The following GSG1L variants were observed in gnomAD, a reference collection of about 807,000 sequenced individuals.
GSG1L encodes GSG1 like.
Under a neutral mutation model 42.1 loss-of-function variants are expected in GSG1L, and 24 were observed. The observed-to-expected ratio is 0.57, with a 90% CI of 0.41 to 0.80. The LOEUF is 0.80. GSG1L is among the 30% of genes least tolerant of loss of function. The pLI, the probability that GSG1L is intolerant of heterozygous loss-of-function variation, is 0.00. For synonymous variants in GSG1L, 215 were observed against 203.5 expected (o/e 1.06, Z -0.48); for missense variants, 445 against 472.2 (o/e 0.94, Z 0.53).
intron 2 of GSG1L, among the ~76,000 whole-genome samples, chr16:27,891,855 G>A (rs991094889): frequency 1.9e-5 from 2 of 105,436 alleles, no homozygotes; most frequent in African/African-American, 6.5e-5. Flanking sequence ...GGGGGATTCT[G>A]TTTTCTGCAG....
intron 3 of GSG1L, among the ~76,000 whole-genome samples, chr16:27,866,098 T>A (rs1515035): frequency 0.38 from 57,856 of 151,834 alleles, 11,278 homozygotes; most frequent in South Asian, 0.45. Context: ...TTTCTCTGTA[T>A]ATCTCTCTGC....
At chr16:27,991,608 T>G (rs1027054424) in intron 1 of GSG1L, among the ~76,000 whole-genome samples, 1 of 152,084 alleles carries the variant, frequency 6.6e-6, no homozygotes, top group African/African-American at 2.4e-5. Context: ...TTTCGCCATG[T>G]TGGTCAGGTT....
intron 3 of GSG1L, among the ~76,000 whole-genome samples, chr16:27,880,539 C>A (rs1307725517): frequency 6.6e-6 from 1 of 152,206 alleles, no homozygotes; most frequent in Non-Finnish European, 1.5e-5. Flanking sequence ...AGTCAATTAA[C>A]CTCCCTGAGC....
chr16:27,961,848 T>C (rs1434483622), intron 2 of GSG1L, among the ~76,000 whole-genome samples: 1 of 152,126 alleles, frequency 6.6e-6, no homozygotes, highest in Non-Finnish European at 1.5e-5. Context: ...GGAGTCCTTG[T>C]CGCTTTCTGG....
At chr16:27,936,109 T>C (rs897540472) in intron 2 of GSG1L, among the ~76,000 whole-genome samples, 2 of 151,648 alleles carry the variant, frequency 1.3e-5, no homozygotes, top group African/African-American at 4.8e-5. Context: ...AGCCTTTCCA[T>C]GCCCAGGTCA....
chr16:27,953,898 G>A (rs2084977644), intron 2 of GSG1L, among the ~76,000 whole-genome samples: 1 of 152,046 alleles, frequency 6.6e-6, no homozygotes, highest in South Asian at 2.1e-4. Flanking sequence ...AAGAAACAAA[G>A]ATATTTATGA....
In GSG1L at chr16:27,839,979, T is replaced by G. The variant is rs552409210; in HGVS notation, c.662+4971A>C. ...GTGACAGGACCAGGCAACTCGGGGC[T>G]TGTAAAGTGCCTCCCACTGTGCACA... On this transcript the variant is annotated intron_variant, in intron 4 of 6. Coordinates refer to ENST00000447459, the MANE Select transcript of GSG1L (RefSeq NM_001109763.2). Among the ~76,000 whole-genome samples the G allele has an allele frequency of 3.9e-5, 6 of 152,080 alleles. No homozygotes were observed. In the South Asian group the frequency reaches 1.0e-3, roughly 26 times the overall value.
At chr16:27,991,697 G>C (rs2085459007) in intron 1 of GSG1L, among the ~76,000 whole-genome samples, 1 of 152,108 alleles carries the variant, frequency 6.6e-6, no homozygotes, top group African/African-American at 2.4e-5. Flanking sequence ...GAGCCACCGT[G>C]CCTGGCCCAT....
intron 1 of GSG1L, among the ~76,000 whole-genome samples, chr16:28,015,506 A>G (rs1419492363): frequency 2.0e-5 from 3 of 152,220 alleles, no homozygotes; most frequent in Non-Finnish European, 4.4e-5. Flanking sequence ...CCCTGTCTCA[A>G]AAAATAAAGG....
intron 1 of GSG1L, among the ~76,000 whole-genome samples, chr16:27,975,631 C>G (rs1313866863): frequency 1.3e-5 from 2 of 152,120 alleles, no homozygotes; most frequent in South Asian, 4.1e-4. Flanking sequence ...GGCTGCGTAC[C>G]CTGAAATCCT....
chr16:27,804,021 AATAGATAGATTAGATGGATAGATAGATAG>A (rs1200472059), intron 6 of GSG1L, among the ~76,000 whole-genome samples: 1 of 140,988 alleles, frequency 7.1e-6, no homozygotes, highest in African/African-American at 2.7e-5. Flanking sequence ...ATGATGGATG[AATAGATAGATTAGATGGATAGATAGATAG>A]ATAGATAGAT....
intron 2 of GSG1L, among the ~76,000 whole-genome samples, chr16:27,954,620 A>G (rs2084985973): frequency 6.6e-6 from 1 of 152,116 alleles, no homozygotes; most frequent in Admixed American, 6.5e-5. Flanking sequence ...GCCTCGTGAC[A>G]GTGCGTATGG....
At chr16:27,857,242 C>G (rs2083590532) in intron 3 of GSG1L, among the ~76,000 whole-genome samples, 1 of 152,084 alleles carries the variant, frequency 6.6e-6, no homozygotes, top group Non-Finnish European at 1.5e-5. Context: ...CCCTGGGCAA[C>G]ATGGTGAAAC....
intron 6 of GSG1L, among the ~76,000 whole-genome samples, chr16:27,803,277 T>C (rs9936273): frequency 0.54 from 81,497 of 151,738 alleles, 22,253 homozygotes; most frequent in African/African-American, 0.58. Context: ...AGCCCCTCTG[T>C]CCATGCCCCG....
chr16:27,809,965 G>A (rs1316528694), intron 5 of GSG1L, among the ~76,000 whole-genome samples: 1 of 152,252 alleles, frequency 6.6e-6, no homozygotes, highest in African/African-American at 2.4e-5. Flanking sequence ...AGAGTGACAA[G>A]CTAGCAATGC....
chr16:27,899,689 C>T (rs2084234862), intron 2 of GSG1L, among the ~76,000 whole-genome samples: 1 of 152,098 alleles, frequency 6.6e-6, no homozygotes, highest in Non-Finnish European at 1.5e-5. Flanking sequence ...TGCACTCCAG[C>T]CAGGGTGACA....
At chr16:27,966,498 G>A (rs535219446) in intron 1 of GSG1L, among the ~76,000 whole-genome samples, 1 of 142,660 alleles carries the variant, frequency 7.0e-6, no homozygotes, top group South Asian at 2.5e-4. Context: ...CTAGGAAAAA[G>A]GAAACAAACA....
At chr16:27,836,509 T>C (rs2083322684) in intron 4 of GSG1L, among the ~76,000 whole-genome samples, 1 of 152,178 alleles carries the variant, frequency 6.6e-6, no homozygotes, top group Non-Finnish European at 1.5e-5. Flanking sequence ...TTGGTTGTAG[T>C]TCTAGAGGTC....
intron 2 of GSG1L, among the ~76,000 whole-genome samples, chr16:27,898,339 G>T (rs1279693112): frequency 1.4e-5 from 2 of 146,086 alleles, no homozygotes; most frequent in African/African-American, 2.5e-5. Flanking sequence ...GGCCCCAAAA[G>T]CCCCACCCGC....
Sources: gnomAD v4.1 joint callset for allele counts (sites outside exome capture counted in the v4.1 genomes callset) on GRCh38, gnomAD v4.1.1 for gene constraint, MANE v1.5 for transcripts, NCBI Gene and HGNC (gene_info 2026-07-23, HGNC 2026-07-21) for gene names.